TAF4B: variants seen among roughly 807,000 people sequenced by gnomAD.
The protein encoded by TAF4B is transcription initiation factor TFIID subunit 4B.
In TAF4B, 38 loss-of-function variants were observed where a neutral mutation model predicts 86.4. The observed-to-expected ratio is 0.44, with a 90% CI of 0.34 to 0.58. The LOEUF (loss-of-function observed/expected upper bound fraction) is 0.58. Among genes scored for constraint, TAF4B ranks in the 20% least tolerant of loss-of-function variants. TAF4B has a pLI of 0.02. For synonymous variants in TAF4B, 388 were observed against 391.2 expected (o/e 0.99, Z 0.10); for missense variants, 988 against 1,027.6 (o/e 0.96, Z 0.53).
At chr18:26,306,479 CT>C (rs2056795887) in intron 9 of TAF4B, among the ~76,000 whole-genome samples, 1 of 152,154 alleles carries the variant, frequency 6.6e-6, no homozygotes, top group South Asian at 2.1e-4. Context: ...TCTTAATCGT[CT>C]ATGAAAGCTT....
intron 1 of TAF4B, among the ~76,000 whole-genome samples, chr18:26,231,859 G>A (rs1021212368): frequency 6.6e-6 from 1 of 152,228 alleles, no homozygotes; most frequent in Admixed American, 6.5e-5. Context: ...GGACCTGAGC[G>A]GGTTGTTGCT....
At chr18:26,229,512 T>C (rs1401677925) in intron 1 of TAF4B, among the ~76,000 whole-genome samples, 5 of 114,512 alleles carry the variant, frequency 4.4e-5, no homozygotes, top group Admixed American at 8.7e-5. Context: ...TTTTTTTTTT[T>C]CTTTCTCTGA....
Position 26,256,226 on chromosome 18 carries a change from C to T in TAF4B, c.344-8944C>T, listed in dbSNP as rs114927464. The T allele has an allele frequency of 2.0e-3, 3,199 of 1,589,074 alleles. 35 individuals are homozygous for T. The African/African-American group carries it at 0.035, about 17-fold the overall frequency. ...AGATGTCTCCTGAAGGAGTCTCATGCAATCCAGAACAGCTGTGGAAGTCCT... is the reference window on the plus strand; with the variant it reads ...AGATGTCTCCTGAAGGAGTCTCATGTAATCCAGAACAGCTGTGGAAGTCCT... On this transcript the variant is annotated intron_variant, in intron 1 of 14. Transcript: ENST00000269142.
intron 9 of TAF4B, among the ~76,000 whole-genome samples, chr18:26,304,175 T>TG (rs2056770800): frequency 6.6e-6 from 1 of 151,324 alleles, no homozygotes; most frequent in Non-Finnish European, 1.5e-5. Context: ...ACTGTTTTTT[T>TG]TTTTTTTTTG....
intron 1 of TAF4B, among the ~76,000 whole-genome samples, chr18:26,229,520 T>C (rs1020296063): frequency 6.8e-6 from 1 of 147,732 alleles, no homozygotes; most frequent in Non-Finnish European, 1.5e-5. Flanking sequence ...TTTCTTTCTC[T>C]GAGACGGAGT....
rs574724078 is a variant in TAF4B at position 26,249,827 on chromosome 18, A to T, written c.344-15343A>T. 2.6e-5 allele frequency among the ~76,000 whole-genome samples: 4 copies of T among 152,218 alleles called. No homozygotes were observed. In the East Asian group the frequency reaches 5.8e-4, roughly 22 times the overall value. The stretch of plus-strand genomic sequence containing the variant: ...AATCTCCACCTTCTGGGTTCAAGCA[A>T]TTCTCCTGCCCCAGCCTCCTAAGTA... On this transcript the variant is annotated intron_variant, in intron 1 of 14. Coordinates refer to ENST00000269142, the MANE Select transcript of TAF4B (RefSeq NM_005640.3).
intron 3 of TAF4B, among the ~76,000 whole-genome samples, chr18:26,268,844 A>T (rs1052747879): frequency 6.6e-6 from 1 of 152,010 alleles, no homozygotes; most frequent in African/African-American, 2.4e-5. Flanking sequence ...ATTTTTGAAG[A>T]CAGAGTCTCA....
intron 9 of TAF4B, among the ~76,000 whole-genome samples, chr18:26,296,958 A>G (rs1791773): frequency 0.93 from 141,964 of 152,072 alleles, 66,556 homozygotes; most frequent in East Asian, 0.99. Context: ...GGCTAACATA[A>G]TGAAACCCTG....
intron 14 of TAF4B, among the ~76,000 whole-genome samples, chr18:26,375,465 T>G (rs2057436143): frequency 1.3e-5 from 2 of 152,214 alleles, no homozygotes; most frequent in Non-Finnish European, 2.9e-5. Flanking sequence ...TTGGTGTTTT[T>G]GGGAACTGCC....
chr18:26,242,279 T>C lies in TAF4B; in HGVS notation c.343+15003T>C, dbSNP rs184408445. Reference sequence around the variant, plus strand: ...TGAATCTGGGTGCTCCTGTATTGGGTGCATATATATTTAGGATAGTTAGCT... The same window carrying C: ...TGAATCTGGGTGCTCCTGTATTGGGCGCATATATATTTAGGATAGTTAGCT... On this transcript the variant is annotated intron_variant, in intron 1 of 14. Transcript: ENST00000269142. 4.1e-4 allele frequency among the ~76,000 whole-genome samples: 62 copies of C among 152,344 alleles called. 2 individuals are homozygous for C. The highest frequency in any genetic ancestry group is 6.5e-4 in the Admixed American group (10 of 15,304).
chr18:26,335,356 A>G, intron 13 of TAF4B, 125 bp downstream of exon 13: 1 of 777,508 alleles, frequency 1.3e-6, no homozygotes, highest in Middle Eastern at 2.3e-4. Context: ...GGGGAAGGAC[A>G]GGAACTGCTA....
chr18:26,315,134 C>CTCTG (rs2056891565), intron 9 of TAF4B, 95 bp from the exon 10 acceptor site: 2 of 301,126 alleles, frequency 6.6e-6, no homozygotes, highest in African/African-American at 4.8e-5. Context: ...CTCTCTCTCT[C>CTCTG]TCTCTCTCTC....
rs1044206546 is a variant in TAF4B, at chr18:26,390,202, T to C, written c.*190T>C. 4 of 528,400 alleles carry C rather than the reference T, an allele frequency of 7.6e-6. No individual in the cohort carries two copies. Among genetic ancestry groups the C allele is most frequent in the Non-Finnish European group, 1.3e-5 (4 of 311,788 alleles). 32.7% of individuals were successfully genotyped at this position (528,400 alleles called of 1,614,324 possible). A position where few individuals can be genotyped will look rare whatever the true frequency, so the allele number is the denominator to read the frequency against. ...ACTCTTACAGACTCAGATTCATCTT[T>C]GTCTTCTGAAAATCAGTTATGAAAT... On this transcript the variant is annotated 3_prime_UTR_variant, in exon 15 of 15. Coordinates refer to ENST00000269142, the MANE Select transcript of TAF4B (RefSeq NM_005640.3).
chr18:26,346,753 ATG>A (rs368634912), intron 13 of TAF4B, among the ~76,000 whole-genome samples: 3 of 38,136 alleles, frequency 7.9e-5, no homozygotes, highest in Non-Finnish European at 1.1e-4. Context: ...ATATATATAT[ATG>A]TGTGTATATA....
intron 9 of TAF4B, among the ~76,000 whole-genome samples, chr18:26,310,979 G>A (rs2056848729): frequency 6.6e-6 from 1 of 151,176 alleles, no homozygotes. Context: ...CCACTTAATA[G>A]TAATCTTGGA....
chr18:26,256,533 T>C lies in TAF4B; in HGVS notation c.344-8637T>C, dbSNP rs115151355. ...GCCCCTGCTCTTAATCTTTATTATT[T>C]CTTTTCTTCTGCTTGCTTTAGTTTT... On this transcript the variant is annotated intron_variant, in intron 1 of 14. Coordinates refer to ENST00000269142, the MANE Select transcript of TAF4B (RefSeq NM_005640.3). 9.9e-3 allele frequency among the ~76,000 whole-genome samples: 1,503 copies of C among 152,142 alleles called. 11 individuals carry two copies. Among genetic ancestry groups the C allele is most frequent in the African/African-American group, 0.034 (1,397 of 41,492 alleles).
At position 26,243,121 on chromosome 18, in the gene TAF4B, A is replaced by C. The variant is rs532269322; in HGVS notation, c.343+15845A>C. Among the ~76,000 whole-genome samples the C allele has an allele frequency of 8.5e-5, 13 of 152,214 alleles. No homozygotes were observed. In the South Asian group the frequency reaches 2.5e-3, roughly 29 times the overall value. Reference sequence around the variant, plus strand: ...CGTTCTCTGTATTTCCTGAATTTGAATGTTGGCCTGCCTTGCTAGGTTGGG... The same window carrying C: ...CGTTCTCTGTATTTCCTGAATTTGACTGTTGGCCTGCCTTGCTAGGTTGGG... On this transcript the variant is annotated intron_variant, in intron 1 of 14. Transcript: ENST00000269142.
intron 13 of TAF4B, among the ~76,000 whole-genome samples, chr18:26,339,113 A>C (rs187354104): frequency 6.6e-6 from 1 of 152,100 alleles, no homozygotes; most frequent in Non-Finnish European, 1.5e-5. Flanking sequence ...TTTATTTTCA[A>C]CTTACGGGCT....
At chr18:26,369,823 A>G (rs2057395230) in intron 14 of TAF4B, among the ~76,000 whole-genome samples, 1 of 152,206 alleles carries the variant, frequency 6.6e-6, no homozygotes, top group Admixed American at 6.5e-5. Flanking sequence ...CTCTGGTCAA[A>G]TGCTAACTAA....
Sources: allele counts gnomAD v4.1 joint callset (sites outside exome capture counted in the v4.1 genomes callset), GRCh38; gene constraint gnomAD v4.1.1; transcripts MANE v1.5; gene names NCBI Gene and HGNC (gene_info 2026-07-23, HGNC 2026-07-21).